Variants in SUSD1 observed in about 807,000 individuals in gnomAD.
SUSD1 encodes sushi domain-containing protein 1.
SUSD1 carries 65 observed loss-of-function variants against 86.9 expected under a neutral mutation model. That is an observed-to-expected ratio of 0.75 (90% CI 0.61 to 0.92). The LOEUF is 0.92. SUSD1 is among the 40% of genes least tolerant of loss of function. SUSD1 has a pLI of 0.00. For missense variants in SUSD1, 850 were observed against 929.7 expected, an observed-to-expected ratio of 0.91 and a Z score of 1.11; for synonymous variants, 346 against 350.0, an observed-to-expected ratio of 0.99 and a Z score of 0.13.
At chr9:112,097,019 T>TAA (rs5899984) in intron 10 of SUSD1, among the ~76,000 whole-genome samples, 49 of 151,344 alleles carry the variant, frequency 3.2e-4, no homozygotes, top group East Asian at 9.8e-4. Context: ...CTCAATCTGA[T>TAA]AAAAAAAATA....
In SUSD1 at chr9:112,140,253, T is replaced by C. The variant is rs1187282487; in HGVS notation, c.706+2067A>G. Among the ~76,000 whole-genome samples, 6 of 125,880 alleles carry C rather than the reference T, an allele frequency of 4.8e-5. 2 individuals are homozygous for C. Among genetic ancestry groups the C allele is most frequent in the South Asian group, 2.2e-4 (1 of 4,500 alleles). The allele number at this position is 125,880 out of a possible 152,430, so 82.6% of individuals were successfully genotyped here. On this transcript the variant is annotated intron_variant, in intron 5 of 16. Coordinates refer to ENST00000374270, the MANE Select transcript of SUSD1 (RefSeq NM_022486.5). ...GGCGGGCGCCTGTAGTCCCAGCTACTGGGGAGGCTGAGGCAGGAGAATGGC... is the reference window on the plus strand; with the variant it reads ...GGCGGGCGCCTGTAGTCCCAGCTACCGGGGAGGCTGAGGCAGGAGAATGGC...
chr9:112,100,837 AAAC>A (rs1830601861), intron 9 of SUSD1, among the ~76,000 whole-genome samples: 1 of 136,782 alleles, frequency 7.3e-6, no homozygotes, highest in African/African-American at 2.8e-5. Context: ...ATCTCAAAAA[AAAC>A]AAAAAAATTG....
At chr9:112,134,363 C>T (rs778775168) in intron 5 of SUSD1, among the ~76,000 whole-genome samples, 4 of 152,168 alleles carry the variant, frequency 2.6e-5, no homozygotes, top group Non-Finnish European at 5.9e-5. Context: ...TACATGTACA[C>T]CATGGAATAC....
rs1564355712 is a variant in SUSD1, at chr9:112,163,991, A to C, written c.104-6378T>G. ...ACTCCAGGCTGGGCAACAGATCAAGACTCTGTCTCAAAAAAAAAATAAAAA... is the reference window on the plus strand; with the variant it reads ...ACTCCAGGCTGGGCAACAGATCAAGCCTCTGTCTCAAAAAAAAAATAAAAA... On this transcript the variant is annotated intron_variant, in intron 1 of 16. Coordinates refer to ENST00000374270, the MANE Select transcript of SUSD1 (RefSeq NM_022486.5). 3.9e-5 allele frequency among the ~76,000 whole-genome samples: 6 copies of C among 151,984 alleles called. No homozygotes were observed. In the South Asian group the frequency reaches 8.3e-4, roughly 21 times the overall value.
chr9:112,169,114 A>C (rs1054568345), intron 1 of SUSD1, among the ~76,000 whole-genome samples: 9 of 146,242 alleles, frequency 6.2e-5, no homozygotes, highest in African/African-American at 2.4e-4. Context: ...CATCCCTGAC[A>C]AAAAAAAAAT....
At chr9:112,130,027 A>G (rs541684802) in intron 5 of SUSD1, among the ~76,000 whole-genome samples, 2 of 152,338 alleles carry the variant, frequency 1.3e-5, no homozygotes, top group Admixed American at 1.3e-4. Flanking sequence ...AACCAGTATT[A>G]ATCTTGTGCC....
At chr9:112,149,209 C>T (rs1332049167) in intron 3 of SUSD1, 35 bp downstream of exon 3, 6 of 1,610,928 alleles carry the variant, frequency 3.7e-6, no homozygotes, top group Non-Finnish European at 5.1e-6. Flanking sequence ...CCTGCCATCG[C>T]CAATTGTCAA....
chr9:112,140,527 AAAAAG>A (rs1284228219), intron 5 of SUSD1, among the ~76,000 whole-genome samples: 2 of 152,108 alleles, frequency 1.3e-5, no homozygotes, highest in Non-Finnish European at 2.9e-5. Context: ...AAAAAAAAGA[AAAAAG>A]AAAAGAAAAG....
At chr9:112,060,094 AACT>A (rs1485243450) in intron 13 of SUSD1, among the ~76,000 whole-genome samples, 3 of 152,092 alleles carry the variant, frequency 2.0e-5, no homozygotes, top group African/African-American at 7.2e-5. Context: ...AGTAAATTTG[AACT>A]TCCTGCTTCA....
intron 1 of SUSD1, chr9:112,173,676 C>A (rs767277610): frequency 1.1e-5 from 5 of 446,064 alleles, no homozygotes; most frequent in Non-Finnish European, 2.2e-5. Flanking sequence ...AGCACGTTTC[C>A]CAAGCTTGAG....
chr9:112,072,389 C>T (rs1478268237), intron 12 of SUSD1, among the ~76,000 whole-genome samples: 2 of 151,986 alleles, frequency 1.3e-5, no homozygotes, highest in Admixed American at 6.6e-5. Flanking sequence ...ACCTCAGCTT[C>T]CAAAAGTGCT....
At chr9:112,139,690 T>C (rs1832473450) in intron 5 of SUSD1, among the ~76,000 whole-genome samples, 1 of 151,848 alleles carries the variant, frequency 6.6e-6, no homozygotes, top group South Asian at 2.1e-4. Context: ...AGCCACTGCA[T>C]CTGGCCACAT....
At position 112,124,271 on chromosome 9, in the gene SUSD1, G is replaced by T; in HGVS notation, c.872C>A (p.Thr291Asn). ...CTEKGTWRES[T>N]LTCTEILTKI... ...AGAATCTGTACCTGTGCATGTTAAA[G>T]TACTTTCTCTCCAGGTGCCTTTCTC... Residue 291 changes from threonine (T) to asparagine (N), a missense_variant, in exon 6 of 17, where the codon ACT (threonine) becomes AAT (asparagine). Thr to Asn is a moderately conservative substitution (Grantham distance 65). Transcript: ENST00000374270. 1 of 1,613,574 alleles carries T rather than the reference G, an allele frequency of 6.2e-7. No individual in the cohort carries two copies. The highest frequency in any genetic ancestry group is 8.5e-7 in the Non-Finnish European group (1 of 1,179,714).
intron 1 of SUSD1, among the ~76,000 whole-genome samples, chr9:112,171,184 A>C (rs1834031874): frequency 6.6e-6 from 1 of 152,068 alleles, no homozygotes; most frequent in African/African-American, 2.4e-5. Flanking sequence ...CCTCTCACCA[A>C]TCACATGGGA....
intron 1 of SUSD1, among the ~76,000 whole-genome samples, chr9:112,172,354 G>A (rs990667045): frequency 1.6e-4 from 24 of 151,992 alleles, no homozygotes; most frequent in African/African-American, 5.3e-4. Context: ...TCTGCCTCTC[G>A]GCTTCCCATC....
intron 6 of SUSD1, 126 bp downstream of exon 6, chr9:112,124,131 C>T (rs1831664246): frequency 2.3e-6 from 2 of 886,350 alleles, no homozygotes; most frequent in Non-Finnish European, 3.3e-6. Context: ...GCCAGGTGCA[C>T]AACCAGGTAA....
rs747792697 is a variant in SUSD1, at chr9:112,078,556, G to C, written c.1735C>G (p.Leu579Val). ...LSSELPVVIS[L>V]TTQITEPPLP... Reference sequence around the variant, plus strand: ...GATTTACCTGTTATCTGGGTTGTCAGGGAGATGACCACAGGAAGTTCCGAA... The same window carrying C: ...GATTTACCTGTTATCTGGGTTGTCACGGAGATGACCACAGGAAGTTCCGAA... The change falls in exon 12 of 17, where the codon CTG (leucine) becomes GTG (valine). Residue 579 changes from leucine (L) to valine (V), a missense_variant. Physicochemically the swap from Leu to Val is conservative, Grantham distance 32. Coordinates refer to ENST00000374270, the MANE Select transcript of SUSD1 (RefSeq NM_022486.5). 3 of 1,610,700 alleles carry C rather than the reference G, an allele frequency of 1.9e-6. No homozygotes were observed. Among genetic ancestry groups the C allele is most frequent in the Non-Finnish European group, 2.5e-6 (3 of 1,177,354 alleles).
In SUSD1 at chr9:112,142,468, T is replaced by C. The variant is rs777201300; in HGVS notation, c.558A>G (p.Pro186=). 5.0e-6 allele frequency: 8 copies of C among 1,613,698 alleles called. No homozygotes were observed. Among genetic ancestry groups the C allele is most frequent in the Middle Eastern group, 3.3e-4 (2 of 6,062 alleles). The change falls in exon 5 of 17, where the codon CCA becomes CCG. Residue 186 remains proline, a synonymous_variant. Coordinates refer to ENST00000374270, the MANE Select transcript of SUSD1 (RefSeq NM_022486.5). ...EIDCGTPPEV[P]DGYIIGNYTS... Reference sequence around the variant, plus strand: ...TATAATTTCCTATGATATAGCCATCTGGAACCTCAGGAGGGGTACCACAGT... The same window carrying C: ...TATAATTTCCTATGATATAGCCATCCGGAACCTCAGGAGGGGTACCACAGT...
chr9:112,075,662 T>C (rs1829484913), intron 12 of SUSD1, among the ~76,000 whole-genome samples: 2 of 152,350 alleles, frequency 1.3e-5, no homozygotes, highest in South Asian at 4.1e-4. Flanking sequence ...GAAGGATTGC[T>C]ACAGCCCAGG....
Sources: gnomAD v4.1 joint callset for allele counts (sites outside exome capture counted in the v4.1 genomes callset) on GRCh38, gnomAD v4.1.1 for gene constraint, MANE v1.5 for transcripts, NCBI Gene and HGNC (gene_info 2026-07-23, HGNC 2026-07-21) for gene names.